The following PPT1 variants were observed in gnomAD, a reference collection of about 807,000 sequenced individuals.
PPT1 encodes palmitoyl-protein thioesterase 1.
PPT1 carries 24 observed loss-of-function variants against 44.0 expected under a neutral mutation model. That is an observed-to-expected ratio of 0.54 (90% confidence interval 0.39 to 0.77). PPT1 has a LOEUF of 0.77. Among genes scored for constraint, PPT1 ranks in the 30% least tolerant of loss-of-function variants. The probability of loss-of-function intolerance (pLI) is 0.00; values close to 1 mark genes in which losing one functional copy is unlikely to be tolerated. For synonymous variants in PPT1, 148 were observed against 140.2 expected, an observed-to-expected ratio of 1.06 and a Z score of -0.39; for missense variants, 341 against 378.8, an observed-to-expected ratio of 0.90 and a Z score of 0.83.
At chr1:40,077,925 G>A (rs1274752728) in intron 7 of PPT1, among the ~76,000 whole-genome samples, 1 of 152,226 alleles carries the variant, frequency 6.6e-6, no homozygotes, top group East Asian at 1.9e-4. Context: ...AGACCTTGGA[G>A]GCCAAGCTTA....
At chr1:40,094,786 A>G (rs6671113) in intron 1 of PPT1, among the ~76,000 whole-genome samples, 41,872 of 152,074 alleles carry the variant, frequency 0.28, 7,618 homozygotes, top group Non-Finnish European at 0.41. Context: ...AGAATTGTCT[A>G]TTCCTTTTAT....
intron 5 of PPT1, among the ~76,000 whole-genome samples, chr1:40,087,071 T>C (rs1443392580): frequency 6.6e-6 from 1 of 152,022 alleles, no homozygotes. Context: ...CTCATTCATC[T>C]GCTTGCTTGC....
chr1:40,074,491 G>A (rs1045441131), intron 8 of PPT1, among the ~76,000 whole-genome samples: 1 of 121,056 alleles, frequency 8.3e-6, no homozygotes, highest in Non-Finnish European at 1.6e-5. Flanking sequence ...CTTTCAAGAC[G>A]GAGTCTTGCT....
At chr1:40,076,521 A>C (rs535706966) in intron 8 of PPT1, 1 of 832,654 alleles carries the variant, frequency 1.2e-6, no homozygotes, top group Admixed American at 6.2e-5. Flanking sequence ...GATTTGTAGC[A>C]GACTGTACCT....
rs1648400303 is a variant in PPT1 at position 40,073,655 on chromosome 1, T to G, written c.*406A>C. 4.8e-6 allele frequency: 1 copy of G among 210,066 alleles called. No individual in the cohort carries two copies. Among genetic ancestry groups the G allele is most frequent in the Admixed American group, 5.3e-5 (1 of 18,890 alleles). 13.0% of individuals were successfully genotyped at this position (210,066 alleles called of 1,614,324 possible). A position where few individuals can be genotyped will look rare whatever the true frequency, so the allele number is the denominator to read the frequency against. ...CAGCAAAACAAAGCATTTATGTGAG[T>G]ACCTCAGGCCTGGGCACCTCTTTGC... is the stretch of plus-strand genomic sequence containing the variant. On this transcript the variant is annotated 3_prime_UTR_variant, in exon 9 of 9. Transcript: ENST00000642050.
intron 1 of PPT1, among the ~76,000 whole-genome samples, chr1:40,095,160 A>C: frequency 6.6e-6 from 1 of 152,164 alleles, no homozygotes; most frequent in South Asian, 2.1e-4. Flanking sequence ...ATGACCTATC[A>C]ACATTTGATG....
chr1:40,071,535 C>T (rs777378618), downstream of PPT1: 13 of 1,603,442 alleles, frequency 8.1e-6, no homozygotes, highest in African/African-American at 4.0e-5. Flanking sequence ...GCTGGATAAG[C>T]GAAGTGCCAC....
chr1:40,074,708 A>T (rs1354729193), intron 8 of PPT1, among the ~76,000 whole-genome samples: 1 of 151,898 alleles, frequency 6.6e-6, no homozygotes. Flanking sequence ...ACCTCAGGTG[A>T]TCCACGTGCC....
At chr1:40,091,529 A>G in intron 3 of PPT1, 130 bp from the exon 4 acceptor site, 1 of 814,338 alleles carries the variant, frequency 1.2e-6, no homozygotes, top group South Asian at 1.5e-5. Flanking sequence ...TTTTCCTGAT[A>G]TGGGCAAATG....
intron 4 of PPT1, among the ~76,000 whole-genome samples, chr1:40,090,274 C>A (rs1324668648): frequency 1.3e-5 from 2 of 152,156 alleles, no homozygotes; most frequent in African/African-American, 4.8e-5. Context: ...GCCTCAGCCT[C>A]CCAAGTAGCA....
intron 1 of PPT1, 155 bp downstream of exon 1, chr1:40,096,960 T>C: frequency 7.3e-7 from 1 of 1,367,924 alleles, no homozygotes; most frequent in Non-Finnish European, 1.0e-6. Flanking sequence ...TCCCCTTCTC[T>C]CTTTCCAATG....
intron 8 of PPT1, 100 bp from the exon 9 acceptor site, chr1:40,074,283 G>T: frequency 6.9e-7 from 1 of 1,451,392 alleles, no homozygotes. Context: ...AATGCAGTTT[G>T]TCCTGAGTAT....
intron 1 of PPT1, 59 bp downstream of exon 1, chr1:40,097,056 G>T: frequency 1.2e-6 from 2 of 1,613,616 alleles, no homozygotes; most frequent in South Asian, 2.2e-5. Flanking sequence ...TTGCAGATGC[G>T]AACCCAGGCT....
chr1:40,076,613 T>G, intron 8 of PPT1: 2 of 1,363,682 alleles, frequency 1.5e-6, no homozygotes, highest in South Asian at 3.1e-5. Context: ...TTGGAAACCA[T>G]AAGGTTTCAG....
At chr1:40,076,726 G>A in intron 8 of PPT1, 116 bp downstream of exon 8, 1 of 1,587,484 alleles carries the variant, frequency 6.3e-7, no homozygotes, top group South Asian at 1.1e-5. Flanking sequence ...TGTTTCAGGA[G>A]TACCTAGTGC....
rs1244256818 is a variant in PPT1 at position 40,076,890 on chromosome 1, G to T, written c.750C>A (p.Gly250=). ...DSEWFGFYRS[G]QAKETIPLQE... Reference sequence around the variant, plus strand: ...GTAAGGGAATGGTTTCCTTGGCTTGGCCACTTCTGTAAAATCCAAACCACT... The same window carrying T: ...GTAAGGGAATGGTTTCCTTGGCTTGTCCACTTCTGTAAAATCCAAACCACT... Residue 250 remains glycine, a synonymous_variant, in exon 8 of 9, where the codon GGC becomes GGA. Coordinates refer to ENST00000642050, the MANE Select transcript of PPT1 (RefSeq NM_000310.4). 2.5e-6 allele frequency: 4 copies of T among 1,614,152 alleles called. No individual in the cohort carries two copies. In the East Asian group the frequency reaches 8.9e-5, roughly 36 times the overall value.
chr1:40,079,107 T>A (rs1348789492), intron 6 of PPT1, among the ~76,000 whole-genome samples: 1 of 152,188 alleles, frequency 6.6e-6, no homozygotes, highest in Non-Finnish European at 1.5e-5. Context: ...TGGTCTTCTG[T>A]TTCTGTGTTC....
chr1:40,074,818 C>T (rs1648529335), intron 8 of PPT1, among the ~76,000 whole-genome samples: 1 of 152,166 alleles, frequency 6.6e-6, no homozygotes, highest in South Asian at 2.1e-4. Flanking sequence ...TTGCTCTATA[C>T]AGTGTTCTAG....
intron 8 of PPT1, chr1:40,075,093 A>G (rs1648545511): frequency 1.3e-5 from 2 of 152,160 alleles, no homozygotes; most frequent in African/African-American, 2.4e-5. Flanking sequence ...TGTCTCTACT[A>G]AAAATACAAA....
Sources: gnomAD v4.1 joint callset for allele counts (sites outside exome capture counted in the v4.1 genomes callset) on GRCh38, gnomAD v4.1.1 for gene constraint, MANE v1.5 for transcripts, NCBI Gene and HGNC (gene_info 2026-07-23, HGNC 2026-07-21) for gene names.